MASTL: variants seen among roughly 807,000 people sequenced by gnomAD.
The protein encoded by MASTL is serine/threonine-protein kinase greatwall.
MASTL carries 54 observed loss-of-function variants against 82.5 expected under a neutral mutation model. That is an observed-to-expected ratio of 0.65 (90% CI 0.53 to 0.82). The LOEUF is 0.82. MASTL is among the 40% of genes least tolerant of loss of function. The pLI, the probability that MASTL is intolerant of heterozygous loss-of-function variation, is 0.00. For synonymous variants in MASTL, 323 were observed against 368.9 expected (o/e 0.88, Z 1.43); for missense variants, 950 against 1,047.8 (o/e 0.91, Z 1.29).
At chr10:27,158,205 G>A (rs145841370) in intron 1 of MASTL, among the ~76,000 whole-genome samples, 223 of 152,222 alleles carry the variant, frequency 1.5e-3, no homozygotes, top group African/African-American at 5.2e-3. Flanking sequence ...TGGCAACTTT[G>A]AAACCTGAGA....
At chr10:27,182,229 C>T (rs929676924) in intron 11 of MASTL, among the ~76,000 whole-genome samples, 1 of 143,248 alleles carries the variant, frequency 7.0e-6, no homozygotes, top group Admixed American at 7.2e-5. Context: ...CCAGCCTGGG[C>T]GACAGAGACT....
chr10:27,166,971 C>G, intron 6 of MASTL, 131 bp from the exon 7 acceptor site: 3 of 663,332 alleles, frequency 4.5e-6, no homozygotes, highest in South Asian at 1.8e-5. Flanking sequence ...AGAAATAGTT[C>G]TGATATGTAA....
rs142110127 is a variant in MASTL, at chr10:27,155,456, G to T, written c.30G>T (p.Glu10Asp). Residue 10 changes from glutamate to aspartate, a missense_variant, in exon 1 of 12, where the codon GAG becomes GAT. Transcript: ENST00000375940. MDPTAGSKK[E>D]PGGGAATEEG... is the part of the protein sequence containing the mutation. ...ATCCCACCGCGGGAAGCAAGAAGGA[G>T]CCTGGAGGAGGCGCGGCGACTGAGG... 18 of 1,612,942 alleles carry T rather than the reference G, an allele frequency of 1.1e-5. No individual in the cohort carries two copies. The African/African-American group carries it at 1.2e-4, about 11-fold the overall frequency.
At position 27,187,362 on chromosome 10, in the gene MASTL, A is replaced by G. The variant is rs1319537463; in HGVS notation, c.*826A>G. ...TAACTCCTTTGGGGAATAAGGAATA[A>G]ACAAAAAGACTAAGGCTTTCACTTA... On this transcript the variant is annotated 3_prime_UTR_variant, in exon 12 of 12. Coordinates refer to ENST00000375940, the MANE Select transcript of MASTL (RefSeq NM_001172303.3). Among the ~76,000 whole-genome samples, 1 of 152,240 alleles carries G rather than the reference A, an allele frequency of 6.6e-6. No homozygotes were observed. Among genetic ancestry groups the G allele is most frequent in the Non-Finnish European group, 1.5e-5 (1 of 68,044 alleles).
rs1769267053 is a variant in MASTL, at chr10:27,159,826, G to GAT, written c.464+71_464+72dup. 5 of 1,319,066 alleles carry GAT rather than the reference G, an allele frequency of 3.8e-6. No individual in the cohort carries two copies. The highest frequency in any genetic ancestry group is 1.8e-4 in the Middle Eastern group (1 of 5,460). The allele number at this position is 1,319,066 out of a possible 1,614,324, so 81.7% of individuals were successfully genotyped here. ...AATCAAATTACATATTTGAGTCTCA[G>GAT]ATATTCACAGTAACCACTTGCACTT... On this transcript the variant is annotated intron_variant, in intron 3 of 11. Coordinates refer to ENST00000375940, the MANE Select transcript of MASTL (RefSeq NM_001172303.3). The surrounding 1 kb of genome is among the most constrained non-coding windows in gnomAD (Gnocchi z 4.0).
chr10:27,187,768 C>G lies in MASTL; in HGVS notation c.*1232C>G, dbSNP rs1283548594. On this transcript the variant is annotated 3_prime_UTR_variant, in exon 12 of 12. Coordinates refer to ENST00000375940, the MANE Select transcript of MASTL (RefSeq NM_001172303.3). ...CTCAGTCTCAAAAAAAAAAAAAATA[C>G]TACTGGAACAATTAGGTGTGATATA... is the stretch of plus-strand genomic sequence containing the variant. Among the ~76,000 whole-genome samples, 1 of 147,268 alleles carries G rather than the reference C, an allele frequency of 6.8e-6. No homozygotes were observed. Among genetic ancestry groups the G allele is most frequent in the South Asian group, 2.2e-4 (1 of 4,630 alleles).
intron 2 of MASTL, among the ~76,000 whole-genome samples, chr10:27,158,937 C>T (rs1161742592): frequency 6.6e-6 from 1 of 152,212 alleles, no homozygotes; most frequent in Admixed American, 6.5e-5. Context: ...CCATGGCTCA[C>T]ACCTGTAATT....
chr10:27,165,024 G>T, intron 4 of MASTL, 40 bp from the exon 5 acceptor site: 12 of 1,267,574 alleles, frequency 9.5e-6, no homozygotes, highest in Non-Finnish European at 1.3e-5. Flanking sequence ...GGGAGGTAAA[G>T]GTTTTAAATA....
intron 9 of MASTL, among the ~76,000 whole-genome samples, chr10:27,176,842 CT>C (rs2058116243): frequency 8.2e-6 from 1 of 121,388 alleles, no homozygotes; most frequent in South Asian, 2.7e-4. Context: ...AGTTTTCTTT[CT>C]TTTTTCTTTT....
chr10:27,159,839 A>T lies in MASTL; in HGVS notation c.464+81A>T. 8.5e-7 allele frequency: 1 copy of T among 1,180,200 alleles called. No individual in the cohort carries two copies. Among genetic ancestry groups the T allele is most frequent in the Non-Finnish European group, 1.3e-6 (1 of 795,322 alleles). The allele number at this position is 1,180,200 out of a possible 1,614,324, so 73.1% of individuals were successfully genotyped here. ...ATTTGAGTCTCAGATATTCACAGTA[A>T]CCACTTGCACTTATTTCCAGGTTAT... On this transcript the variant is annotated intron_variant, in intron 3 of 11. Transcript: ENST00000375940. The surrounding 1 kb of genome is among the most constrained non-coding windows in gnomAD (Gnocchi z 4.0).
At chr10:27,156,575 C>T (rs969732249) in intron 1 of MASTL, among the ~76,000 whole-genome samples, 2 of 152,180 alleles carry the variant, frequency 1.3e-5, no homozygotes, top group African/African-American at 2.4e-5. Context: ...TCTCGGCTCC[C>T]TGCAGCCTCT....
At chr10:27,178,414 G>T (rs1461317274) in intron 9 of MASTL, among the ~76,000 whole-genome samples, 2 of 121,730 alleles carry the variant, frequency 1.6e-5, no homozygotes, top group Admixed American at 8.1e-5. Flanking sequence ...AAAAAAAATT[G>T]ACAACTACAG....
intron 4 of MASTL, 33 bp from the exon 5 acceptor site, chr10:27,165,031 A>G (rs754648559): frequency 1.5e-6 from 2 of 1,340,744 alleles, no homozygotes; most frequent in Non-Finnish European, 2.1e-6. Context: ...AAAGGTTTTA[A>G]ATACATTTAT....
Position 27,159,543 on chromosome 10 carries a change from C to T in MASTL, c.325-76C>T. On this transcript the variant is annotated intron_variant, in intron 2 of 11. Coordinates refer to ENST00000375940, the MANE Select transcript of MASTL (RefSeq NM_001172303.3). This position sits in a 1 kb window ranked among gnomAD's most constrained non-coding sequence, Gnocchi z 4.0. ...TACAGAGCCATGCCAAATATTGTAA[C>T]TGTAATGCCCAAATACTAGATTTTT... 1 of 1,054,286 alleles carries T rather than the reference C, an allele frequency of 9.5e-7. No homozygotes were observed. Among genetic ancestry groups the T allele is most frequent in the Non-Finnish European group, 1.4e-6 (1 of 694,040 alleles). 65.3% of individuals were successfully genotyped at this position (1,054,286 alleles called of 1,614,324 possible).
chr10:27,179,150 G>C (rs537679045), intron 9 of MASTL, among the ~76,000 whole-genome samples: 1 of 152,094 alleles, frequency 6.6e-6, no homozygotes. Flanking sequence ...TTATATTGAA[G>C]TTATCCATTT....
At chr10:27,180,658 C>T (rs1247112788) in intron 9 of MASTL, among the ~76,000 whole-genome samples, 2 of 152,136 alleles carry the variant, frequency 1.3e-5, no homozygotes, top group African/African-American at 4.8e-5. Context: ...ACCCAAAGTG[C>T]CAGGATTACA....
chr10:27,160,751 C>CAAAAAAA (rs879457054), intron 3 of MASTL, among the ~76,000 whole-genome samples: 1 of 112,280 alleles, frequency 8.9e-6, no homozygotes, highest in Non-Finnish European at 1.9e-5. Context: ...AACTCCATCT[C>CAAAAAAA]AAAAAAAAAA....
At chr10:27,174,770 C>T (rs544729137) in intron 9 of MASTL, among the ~76,000 whole-genome samples, 7 of 152,220 alleles carry the variant, frequency 4.6e-5, no homozygotes, top group African/African-American at 1.4e-4. Flanking sequence ...GCCCATCTTA[C>T]TCCAGTATGA....
chr10:27,169,927 A>G lies in MASTL; in HGVS notation c.985-17A>G, dbSNP rs2057865726. The G allele has an allele frequency of 6.2e-7, 1 of 1,613,256 alleles. No homozygotes were observed. Among genetic ancestry groups the G allele is most frequent in the African/African-American group, 1.3e-5 (1 of 74,892 alleles). Reference sequence around the variant, plus strand: ...TCAGCTTTATATAACTAAAACAAATATTTTTTTCCCTCTTAGGAAAGTGAT... The same window carrying G: ...TCAGCTTTATATAACTAAAACAAATGTTTTTTTCCCTCTTAGGAAAGTGAT... On this transcript the variant is annotated splice_polypyrimidine_tract_variant and intron_variant, in intron 7 of 11. Coordinates refer to ENST00000375940, the MANE Select transcript of MASTL (RefSeq NM_001172303.3).
Sources: allele counts gnomAD v4.1 joint callset (sites outside exome capture counted in the v4.1 genomes callset), GRCh38; gene constraint gnomAD v4.1.1; non-coding constraint Gnocchi (gnomAD v3.1); transcripts MANE v1.5; gene names NCBI Gene and HGNC (gene_info 2026-07-23, HGNC 2026-07-21).